Variants in KDM2A observed in about 807,000 individuals in gnomAD.
KDM2A encodes the protein lysine-specific demethylase 2A.
KDM2A carries 3 observed loss-of-function variants against 137.3 expected under a neutral mutation model. The ratio of observed to expected loss-of-function variants is 0.02; its 90% CI spans 0.01 to 0.06. The LOEUF is 0.06. Ranked by LOEUF, KDM2A falls within the 10% of genes least tolerant of loss-of-function variation. The pLI, the probability that KDM2A is intolerant of heterozygous loss-of-function variation, is 1.00. For synonymous variants in KDM2A, 512 were observed against 541.5 expected (o/e 0.95, Z 0.76); for missense variants, 738 against 1,510.6 (o/e 0.49, Z 8.48).
intron 15 of KDM2A, among the ~76,000 whole-genome samples, chr11:67,246,406 G>A (rs969441043): frequency 2.0e-5 from 3 of 152,070 alleles, no homozygotes; most frequent in African/African-American, 7.2e-5. Flanking sequence ...GGCCATAATG[G>A]AACTGCATGG....
At chr11:67,178,260 G>A (rs1857013584) in intron 2 of KDM2A, among the ~76,000 whole-genome samples, 1 of 152,096 alleles carries the variant, frequency 6.6e-6, no homozygotes, top group African/African-American at 2.4e-5. Flanking sequence ...AAAAAAATCA[G>A]CTGGGTGTGG....
Position 67,188,481 on chromosome 11 carries a change from C to CAA in KDM2A, c.307+6603_307+6604dup, listed in dbSNP as rs764954297. ...TGGGCGACAGAGCAAGACTCTGTCT[C>CAA]AAAAAAAAAAAAAAAGAAAGAAAAA... On this transcript the variant is annotated intron_variant, in intron 5 of 20. Coordinates refer to ENST00000529006, the MANE Select transcript of KDM2A (RefSeq NM_012308.3). Among the ~76,000 whole-genome samples the CAA allele has an allele frequency of 6.2e-4, 57 of 91,928 alleles. 1 individual carries two copies. Among genetic ancestry groups the CAA allele is most frequent in the African/African-American group, 1.3e-3 (31 of 24,390 alleles). The allele number at this position is 91,928 out of a possible 152,430, so 60.3% of individuals were successfully genotyped here. A position where few individuals can be genotyped will look rare whatever the true frequency, so the allele number is the denominator to read the frequency against.
At position 67,210,545 on chromosome 11, in the gene KDM2A, A is replaced by G. The variant is rs147516996; in HGVS notation, c.486+2857A>G. On this transcript the variant is annotated intron_variant, in intron 6 of 20. Coordinates refer to ENST00000529006, the MANE Select transcript of KDM2A (RefSeq NM_012308.3). ...TGATAAAAATGTGACATCATTTTAT[A>G]AAAATTAGAAAAATATATTAACATT... Among the ~76,000 whole-genome samples, 355 of 152,292 alleles carry G rather than the reference A, an allele frequency of 2.3e-3. 4 individuals carry two copies. Among genetic ancestry groups the G allele is most frequent in the African/African-American group, 7.7e-3 (319 of 41,562 alleles).
Position 67,254,018 on chromosome 11 carries a change from T to G in KDM2A, c.3092-185T>G, listed in dbSNP as rs144438938. On this transcript the variant is annotated intron_variant, in intron 19 of 20. Coordinates refer to ENST00000529006, the MANE Select transcript of KDM2A (RefSeq NM_012308.3). The surrounding 1 kb of genome is among the most constrained non-coding windows in gnomAD (Gnocchi z 4.7). Reference sequence around the variant, plus strand: ...CTAGCAGCTTGAGAAGAAAGAAAACTTGTCTGGTTTCCTAGAAACTGCCTA... The same window carrying G: ...CTAGCAGCTTGAGAAGAAAGAAAACGTGTCTGGTTTCCTAGAAACTGCCTA... Among the ~76,000 whole-genome samples, 601 of 152,306 alleles carry G rather than the reference T, an allele frequency of 3.9e-3. 1 individual carries two copies. Among genetic ancestry groups the G allele is most frequent in the African/African-American group, 0.014 (566 of 41,554 alleles).
At chr11:67,232,103 C>G in intron 12 of KDM2A, 143 bp downstream of exon 12, 1 of 769,504 alleles carries the variant, frequency 1.3e-6, no homozygotes, top group East Asian at 2.5e-5. Flanking sequence ...TTTGTTATTG[C>G]TGCTCAGTGT....
chr11:67,123,543 C>T (rs2136276172), intron 2 of KDM2A, among the ~76,000 whole-genome samples: 1 of 152,148 alleles, frequency 6.6e-6, no homozygotes, highest in African/African-American at 2.4e-5. Flanking sequence ...AGAGATGATG[C>T]CATAAAACTC....
Position 67,228,123 on chromosome 11 carries a change from C to G in KDM2A, c.1044C>G (p.Ser348=). ...ATGTGTACTGCATAACCAACCGTTC[C>G]CACCTAACTAAGGAATTTCAGAAAG... The part of the protein sequence containing the change: ...ERYVYCITNR[S]HLTKEFQKES... The change falls in exon 11 of 21, where the codon TCC becomes TCG. Residue 348 remains serine, a synonymous_variant. Coordinates refer to ENST00000529006, the MANE Select transcript of KDM2A (RefSeq NM_012308.3). 6.2e-7 allele frequency: 1 copy of G among 1,613,728 alleles called. No homozygotes were observed. Among genetic ancestry groups the G allele is most frequent in the Non-Finnish European group, 8.5e-7 (1 of 1,179,718 alleles).
intron 1 of KDM2A, among the ~76,000 whole-genome samples, chr11:67,120,460 C>T (rs1321700427): frequency 5.9e-5 from 9 of 152,164 alleles, no homozygotes; most frequent in Admixed American, 3.3e-4. Context: ...AAAAGAAAAC[C>T]CTTTCTTGGT....
At position 67,245,744 on chromosome 11, in the gene KDM2A, G is replaced by A. The variant is rs966702472; in HGVS notation, c.1834-241G>A. The A allele has an allele frequency of 2.0e-5, 12 of 599,204 alleles. No individual in the cohort carries two copies. The highest frequency in any genetic ancestry group is 8.7e-5 in the East Asian group (3 of 34,674). The allele number at this position is 599,204 out of a possible 1,614,324, so 37.1% of individuals were successfully genotyped here. ...CTCTTCAGGTAGATTAGAAAGGACC[G>A]GGGAGGCCAAGTATAGGCCAACTGA... On this transcript the variant is annotated intron_variant, in intron 14 of 20. Transcript: ENST00000529006. This position sits in a 1 kb window ranked among gnomAD's most constrained non-coding sequence, Gnocchi z 4.1.
intron 2 of KDM2A, among the ~76,000 whole-genome samples, chr11:67,167,115 C>A (rs1856765272): frequency 6.6e-6 from 1 of 152,122 alleles, no homozygotes; most frequent in African/African-American, 2.4e-5. Flanking sequence ...CGAGTTACTG[C>A]TTTTGTTAGC....
intron 5 of KDM2A, chr11:67,195,933 ACTTT>A (rs1857470589): frequency 2.4e-6 from 1 of 417,764 alleles, no homozygotes; most frequent in South Asian, 2.1e-5. Context: ...ACTTACAGCA[ACTTT>A]CTTTGCCAAA....
chr11:67,181,442 C>T (rs370667174), intron 4 of KDM2A, 44 bp downstream of exon 4: 9 of 1,323,228 alleles, frequency 6.8e-6, no homozygotes, highest in South Asian at 2.4e-5. Context: ...AAAATGGCCT[C>T]GTTACACCCA....
chr11:67,191,986 CTGTT>C (rs1857365888), intron 5 of KDM2A, among the ~76,000 whole-genome samples: 1 of 152,092 alleles, frequency 6.6e-6, no homozygotes, highest in Non-Finnish European at 1.5e-5. Context: ...CTTAGTTTTG[CTGTT>C]TGTCAAATAT....
intron 2 of KDM2A, among the ~76,000 whole-genome samples, chr11:67,142,010 T>C (rs1856115783): frequency 6.6e-6 from 1 of 152,106 alleles, no homozygotes; most frequent in African/African-American, 2.4e-5. Context: ...TTCATTCTTT[T>C]TTATGGATGA....
intron 10 of KDM2A, among the ~76,000 whole-genome samples, chr11:67,222,059 CTTTTTTTT>C (rs11373238): frequency 9.0e-6 from 1 of 110,530 alleles, no homozygotes; most frequent in Non-Finnish European, 1.8e-5. Flanking sequence ...CTCTGTCATT[CTTTTTTTT>C]TTTTTTTTTT....
chr11:67,231,167 A>T (rs574761442), intron 11 of KDM2A, among the ~76,000 whole-genome samples: 1 of 152,116 alleles, frequency 6.6e-6, no homozygotes, highest in African/African-American at 2.4e-5. Context: ...TGCCCAGGCT[A>T]AAACTATTTT....
At chr11:67,170,452 G>T (rs11227726) in intron 2 of KDM2A, among the ~76,000 whole-genome samples, 1 of 119,912 alleles carries the variant, frequency 8.3e-6, no homozygotes, top group East Asian at 2.5e-4. Flanking sequence ...TCGCTCTGTC[G>T]CCCAGGCTGG....
At chr11:67,147,343 C>T (rs1483920334) in intron 2 of KDM2A, among the ~76,000 whole-genome samples, 3 of 151,818 alleles carry the variant, frequency 2.0e-5, no homozygotes, top group Non-Finnish European at 4.4e-5. Context: ...GAGATTGAGA[C>T]CATCCTGGCT....
At chr11:67,124,772 G>A (rs1354412062) in intron 2 of KDM2A, among the ~76,000 whole-genome samples, 2 of 151,366 alleles carry the variant, frequency 1.3e-5, no homozygotes, top group Admixed American at 6.6e-5. Flanking sequence ...CCCTTAACTA[G>A]CATATGTTTT....
Sources: gnomAD v4.1 joint callset for allele counts (sites outside exome capture counted in the v4.1 genomes callset) on GRCh38, gnomAD v4.1.1 for gene constraint, Gnocchi (gnomAD v3.1) non-coding constraint, MANE v1.5 for transcripts, NCBI Gene and HGNC (gene_info 2026-07-23, HGNC 2026-07-21) for gene names.